The following TFCP2L1 variants were observed in gnomAD, a reference collection of about 807,000 sequenced individuals.
The protein encoded by TFCP2L1 is transcription factor CP2-like protein 1.
A neutral mutation model predicts 72.2 loss-of-function variants in TFCP2L1; 12 were observed. That is an observed-to-expected ratio of 0.17 (90% CI 0.11 to 0.27). The LOEUF (loss-of-function observed/expected upper bound fraction) is 0.27. Ranked by LOEUF, TFCP2L1 falls within the 10% of genes least tolerant of loss-of-function variation. The probability of loss-of-function intolerance (pLI) is 1.00; values close to 1 mark genes in which losing one functional copy is unlikely to be tolerated. For missense variants in TFCP2L1, 488 were observed against 624.6 expected, an observed-to-expected ratio of 0.78 and a Z score of 2.33; for synonymous variants, 260 against 251.0, an observed-to-expected ratio of 1.04 and a Z score of -0.34.
At chr2:121,276,300 G>A (rs528682956) in intron 2 of TFCP2L1, among the ~76,000 whole-genome samples, 1 of 147,704 alleles carries the variant, frequency 6.8e-6, no homozygotes, top group South Asian at 2.2e-4. Context: ...CCACTTATGA[G>A]TGAGAATATG....
intron 6 of TFCP2L1, among the ~76,000 whole-genome samples, chr2:121,245,573 C>T (rs1417029745): frequency 2.6e-5 from 4 of 152,310 alleles, no homozygotes; most frequent in South Asian, 2.1e-4. Context: ...TCCCAAACCA[C>T]GGAGCTGGGC....
At chr2:121,228,312 T>A (rs1241484319) in intron 13 of TFCP2L1, among the ~76,000 whole-genome samples, 1 of 152,184 alleles carries the variant, frequency 6.6e-6, no homozygotes, top group Non-Finnish European at 1.5e-5. Context: ...AAAAGGAAAT[T>A]CATTTTGGAA....
chr2:121,283,025 G>C (rs1687296551), intron 1 of TFCP2L1, among the ~76,000 whole-genome samples: 1 of 152,176 alleles, frequency 6.6e-6, no homozygotes, highest in South Asian at 2.1e-4. Context: ...CCCAGCCCGG[G>C]TGGTTCTCTA....
At chr2:121,271,700 C>T (rs1687050974) in intron 2 of TFCP2L1, among the ~76,000 whole-genome samples, 1 of 152,144 alleles carries the variant, frequency 6.6e-6, no homozygotes, top group South Asian at 2.1e-4. Context: ...TTCACGTAAC[C>T]CACAAAGTGA....
At position 121,224,202 on chromosome 2, in the gene TFCP2L1, T is replaced by A; in HGVS notation, c.*139A>T. 1.1e-6 allele frequency: 1 copy of A among 922,312 alleles called. No homozygotes were observed. The highest frequency in any genetic ancestry group is 1.6e-5 in the South Asian group (1 of 64,016). 57.1% of individuals were successfully genotyped at this position (922,312 alleles called of 1,614,324 possible). A position where few individuals can be genotyped will look rare whatever the true frequency, so the allele number is the denominator to read the frequency against. ...CACAGGCTTCTGCTGGTTGGTGCTC[T>A]GTAGCTTTCACAGACTGGGCAGGGT... On this transcript the variant is annotated 3_prime_UTR_variant, in exon 15 of 15. Coordinates refer to ENST00000263707, the MANE Select transcript of TFCP2L1 (RefSeq NM_014553.3).
At chr2:121,236,161 G>A (rs1686244947) in intron 10 of TFCP2L1, among the ~76,000 whole-genome samples, 2 of 152,286 alleles carry the variant, frequency 1.3e-5, no homozygotes, top group South Asian at 2.1e-4. Flanking sequence ...ATGTGGATGG[G>A]CGCTGGGGGG....
chr2:121,267,354 T>C (rs2104742452), intron 2 of TFCP2L1, among the ~76,000 whole-genome samples: 1 of 152,318 alleles, frequency 6.6e-6, no homozygotes, highest in East Asian at 1.9e-4. Context: ...TCCAGCAATG[T>C]GATTATTAAG....
chr2:121,260,335 T>C (rs888389232), intron 2 of TFCP2L1, among the ~76,000 whole-genome samples: 1 of 152,114 alleles, frequency 6.6e-6, no homozygotes, highest in Non-Finnish European at 1.5e-5. Context: ...CACAGCTGAG[T>C]TCTTAAATCT....
intron 6 of TFCP2L1, among the ~76,000 whole-genome samples, chr2:121,246,424 T>A (rs1384561578): frequency 3.3e-5 from 5 of 151,918 alleles, no homozygotes; most frequent in Non-Finnish European, 7.4e-5. Flanking sequence ...AGGGAGAGAC[T>A]CTTGCTTTGA....
At chr2:121,272,819 A>T (rs1687070715) in intron 2 of TFCP2L1, among the ~76,000 whole-genome samples, 1 of 152,162 alleles carries the variant, frequency 6.6e-6, no homozygotes, top group African/African-American at 2.4e-5. Flanking sequence ...TACTTCCCCC[A>T]TCTCACAGGT....
At chr2:121,249,761 G>T in intron 2 of TFCP2L1, 114 bp from the exon 3 acceptor site, 1 of 1,061,154 alleles carries the variant, frequency 9.4e-7, no homozygotes, top group Non-Finnish European at 1.4e-6. Flanking sequence ...CAAGGCCCTG[G>T]GGAGCAAAGC....
At chr2:121,225,482 C>A (rs1686009927) in intron 14 of TFCP2L1, 80 bp downstream of exon 14, 2 of 1,383,320 alleles carry the variant, frequency 1.4e-6, no homozygotes, top group Admixed American at 1.7e-5. Context: ...TCAGCACTCT[C>A]TGGAAGGGCC....
chr2:121,250,363 T>TATATACAC (rs1553433403), intron 2 of TFCP2L1, among the ~76,000 whole-genome samples: 2 of 148,164 alleles, frequency 1.3e-5, no homozygotes, highest in South Asian at 4.3e-4. Flanking sequence ...TATATATATA[T>TATATACAC]ACACACACAC....
At chr2:121,247,711 A>T (rs932397761) in intron 5 of TFCP2L1, among the ~76,000 whole-genome samples, 1 of 152,192 alleles carries the variant, frequency 6.6e-6, no homozygotes, top group South Asian at 2.1e-4. Context: ...ACACACAGCA[A>T]GCGAGAGAGC....
intron 8 of TFCP2L1, among the ~76,000 whole-genome samples, chr2:121,238,718 G>A (rs1686301487): frequency 6.6e-6 from 1 of 152,020 alleles, no homozygotes; most frequent in South Asian, 2.1e-4. Context: ...TAGAGAAACT[G>A]AGTCTCAGGG....
intron 2 of TFCP2L1, 112 bp downstream of exon 2, chr2:121,281,008 A>T: frequency 1.4e-6 from 2 of 1,417,598 alleles, no homozygotes; most frequent in East Asian, 4.6e-5. Flanking sequence ...CCCGAGCCCG[A>T]CCTCGCCCGA....
chr2:121,233,699 G>A (rs1322570511), intron 12 of TFCP2L1, among the ~76,000 whole-genome samples: 3 of 152,040 alleles, frequency 2.0e-5, no homozygotes. Context: ...GGAGCAGGAA[G>A]GCTGACAGCC....
rs375356371 is a variant in TFCP2L1 at position 121,242,683 on chromosome 2, GAA to G, written c.658-216_658-215del. On this transcript the variant is annotated intron_variant, in intron 6 of 14. Transcript: ENST00000263707. ...GGTCATGCACTCTGCTGCTCAAGGG[GAA>G]AAGATTGTTTCCCATGGCCACTCGC... Among the ~76,000 whole-genome samples, 42 of 152,318 alleles carry G rather than the reference GAA, an allele frequency of 2.8e-4. No individual in the cohort carries two copies. The East Asian group carries it at 7.9e-3, about 29-fold the overall frequency.
At chr2:121,266,512 G>A (rs1416488134) in intron 2 of TFCP2L1, among the ~76,000 whole-genome samples, 3 of 152,164 alleles carry the variant, frequency 2.0e-5, no homozygotes, top group Non-Finnish European at 4.4e-5. Flanking sequence ...TGACTGCCAG[G>A]CACCTGCTTG....
Sources: allele counts gnomAD v4.1 joint callset (sites outside exome capture counted in the v4.1 genomes callset), GRCh38; gene constraint gnomAD v4.1.1; transcripts MANE v1.5; gene names NCBI Gene and HGNC (gene_info 2026-07-23, HGNC 2026-07-21).